LRRC8D: variants seen among roughly 807,000 people sequenced by gnomAD.
The protein encoded by LRRC8D is volume-regulated anion channel subunit LRRC8D.
A neutral mutation model predicts 55.8 loss-of-function variants in LRRC8D; 20 were observed. That is an observed-to-expected ratio of 0.36 (90% CI 0.25 to 0.52). The LOEUF (loss-of-function observed/expected upper bound fraction) is 0.52, where lower values mean the gene tolerates loss of function less well. Among genes scored for constraint, LRRC8D ranks in the 20% least tolerant of loss-of-function variants. The pLI, the probability that LRRC8D is intolerant of heterozygous loss-of-function variation, is 0.93. For synonymous variants in LRRC8D, 352 were observed against 377.0 expected (o/e 0.93, Z 0.77); for missense variants, 651 against 1,030.8 (o/e 0.63, Z 5.05).
chr1:89,860,785 A>AAAAAT (rs1553123917), intron 2 of LRRC8D, among the ~76,000 whole-genome samples: 8 of 28,190 alleles, frequency 2.8e-4, no homozygotes, highest in Admixed American at 6.8e-4. Context: ...AAAAAAAAAA[A>AAAAAT]ATATATATAT....
chr1:89,871,088 T>G (rs551065212), intron 2 of LRRC8D, among the ~76,000 whole-genome samples: 1 of 152,298 alleles, frequency 6.6e-6, no homozygotes, highest in African/African-American at 2.4e-5. Context: ...TGTCTCAGGT[T>G]GCAAAGTTAT....
chr1:89,826,544 G>T (rs942256087), intron 1 of LRRC8D, among the ~76,000 whole-genome samples: 1 of 152,156 alleles, frequency 6.6e-6, no homozygotes, highest in East Asian at 1.9e-4. Context: ...GAGCCACCGC[G>T]CCTGGCTACC....
chr1:89,877,156 G>A (rs1407015205), intron 2 of LRRC8D, among the ~76,000 whole-genome samples: 4 of 152,134 alleles, frequency 2.6e-5, no homozygotes, highest in African/African-American at 4.8e-5. Flanking sequence ...TCTGGAAAGA[G>A]GGAGTCTAAG....
At chr1:89,870,287 T>C (rs1570840996) in intron 2 of LRRC8D, among the ~76,000 whole-genome samples, 1 of 151,460 alleles carries the variant, frequency 6.6e-6, no homozygotes, top group East Asian at 2.0e-4. Context: ...CCATCCTGGC[T>C]AATGTGGTGA....
chr1:89,899,746 G>A (rs1662805107), intron 2 of LRRC8D, among the ~76,000 whole-genome samples: 1 of 152,204 alleles, frequency 6.6e-6, no homozygotes, highest in African/African-American at 2.4e-5. Flanking sequence ...TTATAATGTA[G>A]TAAAGTGAAA....
intron 2 of LRRC8D, among the ~76,000 whole-genome samples, chr1:89,918,670 C>A (rs962564978): frequency 6.6e-6 from 1 of 152,160 alleles, no homozygotes; most frequent in Non-Finnish European, 1.5e-5. Flanking sequence ...CCCAAGCTTA[C>A]CTTTGTCTTT....
chr1:89,935,967 A>G lies in LRRC8D; in HGVS notation c.*322A>G. 4.4e-6 allele frequency: 1 copy of G among 225,516 alleles called. No individual in the cohort carries two copies. The highest frequency in any genetic ancestry group is 1.1e-4 in the South Asian group (1 of 9,440). The allele number at this position is 225,516 out of a possible 1,614,324, so 14.0% of individuals were successfully genotyped here. ...AATGTTTACAAATTGCTTGCCTGCTAAAGTAAATGATTAAATTGACATTTT... is the reference window on the plus strand; with the variant it reads ...AATGTTTACAAATTGCTTGCCTGCTGAAGTAAATGATTAAATTGACATTTT... On this transcript the variant is annotated 3_prime_UTR_variant, in exon 3 of 3. Coordinates refer to ENST00000337338, the MANE Select transcript of LRRC8D (RefSeq NM_001134479.2).
chr1:89,847,350 G>C (rs993754547), intron 2 of LRRC8D, among the ~76,000 whole-genome samples: 1 of 152,182 alleles, frequency 6.6e-6, no homozygotes, highest in Non-Finnish European at 1.5e-5. Context: ...AACCCTCAGG[G>C]AGAGGAGAAG....
At chr1:89,822,124 T>G (rs1403051677) in intron 1 of LRRC8D, 1 of 152,568 alleles carries the variant, frequency 6.6e-6, no homozygotes, top group Non-Finnish European at 1.5e-5. Context: ...AATGAGATTT[T>G]TTGATTTCTT....
At chr1:89,902,979 C>T (rs917262261) in intron 2 of LRRC8D, among the ~76,000 whole-genome samples, 6 of 152,180 alleles carry the variant, frequency 3.9e-5, no homozygotes, top group Non-Finnish European at 7.3e-5. Context: ...GCTTAATGTG[C>T]ACGGGGCACT....
intron 2 of LRRC8D, among the ~76,000 whole-genome samples, chr1:89,908,618 A>G (rs1272977777): frequency 1.3e-5 from 2 of 152,212 alleles, no homozygotes; most frequent in Non-Finnish European, 2.9e-5. Context: ...AAGACCAGTT[A>G]TGTATGTGTG....
intron 2 of LRRC8D, among the ~76,000 whole-genome samples, chr1:89,912,282 C>T (rs1383842327): frequency 6.6e-6 from 1 of 152,160 alleles, no homozygotes; most frequent in Admixed American, 6.5e-5. Context: ...CTCATTGCCT[C>T]ACTTGTTAAA....
chr1:89,895,977 T>G (rs1482344454), intron 2 of LRRC8D, among the ~76,000 whole-genome samples: 1 of 152,240 alleles, frequency 6.6e-6, no homozygotes, highest in Admixed American at 6.5e-5. Context: ...TGTCTCCTCC[T>G]GACAGGCAAG....
chr1:89,903,168 G>A (rs1662907276), intron 2 of LRRC8D, among the ~76,000 whole-genome samples: 2 of 152,112 alleles, frequency 1.3e-5, no homozygotes. Flanking sequence ...TGACTCCTGT[G>A]TCTCTTCTCT....
chr1:89,884,883 C>G (rs192987623), intron 2 of LRRC8D, among the ~76,000 whole-genome samples: 28 of 152,206 alleles, frequency 1.8e-4, no homozygotes, highest in Admixed American at 5.2e-4. Flanking sequence ...ATTACAGTTC[C>G]CACCTACATT....
At chr1:89,915,586 A>C (rs1663246974) in intron 2 of LRRC8D, among the ~76,000 whole-genome samples, 1 of 152,228 alleles carries the variant, frequency 6.6e-6, no homozygotes. Context: ...TGGATGGCTG[A>C]AATATTCACT....
intron 1 of LRRC8D, among the ~76,000 whole-genome samples, chr1:89,839,830 C>G (rs1661090040): frequency 6.6e-6 from 1 of 152,156 alleles, no homozygotes; most frequent in South Asian, 2.1e-4. Context: ...TTTGTAAAAT[C>G]CATGTGTAAT....
intron 2 of LRRC8D, among the ~76,000 whole-genome samples, chr1:89,883,414 G>A (rs1231844485): frequency 6.6e-6 from 1 of 152,280 alleles, no homozygotes; most frequent in East Asian, 1.9e-4. Flanking sequence ...GGATATCCAA[G>A]CATGACCAGA....
intron 2 of LRRC8D, among the ~76,000 whole-genome samples, chr1:89,922,583 TG>T (rs1553129075): frequency 6.6e-6 from 1 of 152,226 alleles, no homozygotes; most frequent in Non-Finnish European, 1.5e-5. Flanking sequence ...CAAACATCTT[TG>T]GGGGCTTACT....
Sources: allele counts gnomAD v4.1 joint callset (sites outside exome capture counted in the v4.1 genomes callset), GRCh38; gene constraint gnomAD v4.1.1; transcripts MANE v1.5; gene names NCBI Gene and HGNC (gene_info 2026-07-23, HGNC 2026-07-21).